NCAM1: variants seen among roughly 807,000 people sequenced by gnomAD.
The protein encoded by NCAM1 is neural cell adhesion molecule 1.
NCAM1 carries 14 observed loss-of-function variants against 109.8 expected under a neutral mutation model. The ratio of observed to expected loss-of-function variants is 0.13; its 90% CI spans 0.08 to 0.20. The LOEUF (loss-of-function observed/expected upper bound fraction) is 0.20. NCAM1 is among the 10% of genes least tolerant of loss of function. The pLI, the probability that NCAM1 is intolerant of heterozygous loss-of-function variation, is 1.00. For missense variants in NCAM1, 774 were observed against 1,109.9 expected, an observed-to-expected ratio of 0.70 and a Z score of 4.30; for synonymous variants, 418 against 442.9, an observed-to-expected ratio of 0.94 and a Z score of 0.70.
intron 1 of NCAM1, among the ~76,000 whole-genome samples, chr11:113,122,706 C>T (rs1401146903): frequency 2.6e-5 from 4 of 152,110 alleles, no homozygotes; most frequent in African/African-American, 4.8e-5. Flanking sequence ...ATTGCTTGGA[C>T]CCAGGAGGCA....
At position 113,263,900 on chromosome 11, in the gene NCAM1, G is replaced by A. The variant is rs951818981; in HGVS notation, c.2131+3577G>A. ...CAGCCCAGGAGGGTTAATAAATTGG[G>A]GCCGAGCCAACCTGTCAGTGCTTCC... On this transcript the variant is annotated intron_variant, in intron 17 of 19. Coordinates refer to ENST00000316851, the MANE Select transcript of NCAM1 (RefSeq NM_181351.5). 2.3e-5 allele frequency: 23 copies of A among 985,476 alleles called. No individual in the cohort carries two copies. In the African/African-American group the frequency reaches 3.8e-4, roughly 16 times the overall value. 61.0% of individuals were successfully genotyped at this position (985,476 alleles called of 1,614,324 possible).
intron 1 of NCAM1, among the ~76,000 whole-genome samples, chr11:112,969,433 C>A (rs1387346023): frequency 4.6e-5 from 7 of 152,098 alleles, no homozygotes; most frequent in African/African-American, 1.7e-4. Flanking sequence ...ACATGCCAAG[C>A]AAACAGGAAT....
intron 1 of NCAM1, among the ~76,000 whole-genome samples, chr11:113,188,288 C>A (rs1477947591): frequency 9.9e-5 from 15 of 152,174 alleles, no homozygotes; most frequent in African/African-American, 3.6e-4. Flanking sequence ...AGCCACACCT[C>A]ATCCTCTATG....
chr11:112,974,418 A>G (rs1950956572), intron 1 of NCAM1, among the ~76,000 whole-genome samples: 1 of 152,018 alleles, frequency 6.6e-6, no homozygotes, highest in Admixed American at 6.6e-5. Flanking sequence ...TGTGGGGCTC[A>G]GTGTGGGATG....
chr11:113,240,185 T>C (rs540154991), intron 14 of NCAM1, among the ~76,000 whole-genome samples: 1 of 152,330 alleles, frequency 6.6e-6, no homozygotes, highest in Non-Finnish European at 1.5e-5. Context: ...TAGGGGAGTT[T>C]TGGAAGGCAG....
At chr11:113,237,891 G>GATATAGATATATAGATATATATAGAT (rs869125853) in intron 14 of NCAM1, among the ~76,000 whole-genome samples, 1 of 31,356 alleles carries the variant, frequency 3.2e-5, no homozygotes, top group Non-Finnish European at 7.0e-5. Flanking sequence ...TAGATATATA[G>GATATAGATATATAGATATATATAGAT]ATATAGATAT....
At chr11:113,099,446 C>T (rs1345586919) in intron 1 of NCAM1, among the ~76,000 whole-genome samples, 2 of 152,164 alleles carry the variant, frequency 1.3e-5, no homozygotes, top group Non-Finnish European at 2.9e-5. Context: ...CTCTCACATT[C>T]GCCATATGCT....
At chr11:113,130,657 C>T (rs1013958262) in intron 1 of NCAM1, 4 of 152,188 alleles carry the variant, frequency 2.6e-5, no homozygotes, top group Non-Finnish European at 5.9e-5. Flanking sequence ...CATGCTATGT[C>T]CTGCTTCTGT....
chr11:113,107,043 ATATT>A (rs1940204874), intron 1 of NCAM1, among the ~76,000 whole-genome samples: 1 of 152,236 alleles, frequency 6.6e-6, no homozygotes, highest in African/African-American at 2.4e-5. Flanking sequence ...AGTTTAGTGA[ATATT>A]TAATGATGAA....
chr11:113,067,010 A>AG (rs1238182606), intron 1 of NCAM1, among the ~76,000 whole-genome samples: 1 of 151,272 alleles, frequency 6.6e-6, no homozygotes, highest in Non-Finnish European at 1.5e-5. Flanking sequence ...TCTCAAAAAA[A>AG]AAAAAAAAAA....
In NCAM1 at chr11:113,233,189, C is replaced by G; in HGVS notation, c.1565C>G (p.Ser522Cys). ...TCCATCGACCAGGTGGAGCCATACT[C>G]CAGCACAGCCCAGGTGCAGTTTGAT... ...SPSIDQVEPY[S>C]STAQVQFDEP... is the part of the protein sequence containing the mutation. The change falls in exon 13 of 20, where the codon TCC becomes TGC. Residue 522 changes from serine (S) to cysteine (C), a missense_variant. Physicochemically the swap from Ser to Cys is moderately radical, Grantham distance 112. Coordinates refer to ENST00000316851, the MANE Select transcript of NCAM1 (RefSeq NM_181351.5). This position sits in a 1 kb window ranked among gnomAD's most constrained non-coding sequence, Gnocchi z 4.5. 6.2e-7 allele frequency: 1 copy of G among 1,613,730 alleles called. No individual in the cohort carries two copies. The highest frequency in any genetic ancestry group is 2.2e-5 in the East Asian group (1 of 44,888).
At chr11:113,232,496 C>T (rs973502997) in intron 11 of NCAM1, 142 bp downstream of exon 11, 14 of 927,854 alleles carry the variant, frequency 1.5e-5, no homozygotes, top group Non-Finnish European at 2.1e-5. Context: ...GACACTGAGC[C>T]TCTTTTCAGC....
rs782251137 is a variant in NCAM1, at chr11:113,204,305, T to C, written c.147T>C (p.Asp49=). Residue 49 remains aspartate, a synonymous_variant, in exon 3 of 20, where the codon GAT becomes GAC. Transcript: ENST00000316851. ...FLCQVAGDAK[D]KDISWFSPNG... is the part of the protein sequence containing the mutation. ...CTTTAGTGGCAGGAGATGCCAAAGA[T>C]AAAGACATCTCCTGGTTCTCCCCCA... is the stretch of plus-strand genomic sequence containing the variant. The C allele has an allele frequency of 1.2e-6, 2 of 1,612,394 alleles. No homozygotes were observed. The highest frequency in any genetic ancestry group is 1.3e-5 in the African/African-American group (1 of 74,866).
chr11:113,268,400 G>A (rs782146860), intron 17 of NCAM1, among the ~76,000 whole-genome samples: 9 of 152,318 alleles, frequency 5.9e-5, no homozygotes, highest in South Asian at 2.1e-4. Context: ...GGGGGAATGC[G>A]CTAGGATCTT....
intron 1 of NCAM1, among the ~76,000 whole-genome samples, chr11:113,069,167 C>T (rs148348110): frequency 2.6e-4 from 39 of 152,176 alleles, no homozygotes; most frequent in Middle Eastern, 3.4e-3. Context: ...GATCAGAGTA[C>T]AGTGGAGGGA....
intron 1 of NCAM1, among the ~76,000 whole-genome samples, chr11:112,982,381 G>A (rs1555068899): frequency 6.6e-6 from 1 of 151,950 alleles, no homozygotes; most frequent in African/African-American, 2.4e-5. Flanking sequence ...CAAGAACTGG[G>A]GATGGCCTTG....
chr11:113,122,470 C>T (rs1228830248), intron 1 of NCAM1, among the ~76,000 whole-genome samples: 2 of 152,084 alleles, frequency 1.3e-5, no homozygotes, highest in South Asian at 2.1e-4. Flanking sequence ...TTTGGTGGAA[C>T]CTCACTTGTT....
intron 1 of NCAM1, among the ~76,000 whole-genome samples, chr11:113,075,130 A>G (rs907791418): frequency 6.6e-6 from 1 of 151,938 alleles, no homozygotes; most frequent in Non-Finnish European, 1.5e-5. Context: ...GCAGTGGCAC[A>G]ATCATGGCTC....
At chr11:113,205,204 C>T (rs1944200833) in intron 3 of NCAM1, among the ~76,000 whole-genome samples, 1 of 152,158 alleles carries the variant, frequency 6.6e-6, no homozygotes, top group South Asian at 2.1e-4. Flanking sequence ...TTCATTCTAC[C>T]TATAACCTGT....
Sources: gnomAD v4.1 joint callset for allele counts (sites outside exome capture counted in the v4.1 genomes callset) on GRCh38, gnomAD v4.1.1 for gene constraint, Gnocchi (gnomAD v3.1) non-coding constraint, MANE v1.5 for transcripts, NCBI Gene and HGNC (gene_info 2026-07-23, HGNC 2026-07-21) for gene names.